DLC1: variants seen among roughly 807,000 people sequenced by gnomAD.
DLC1 encodes DLC1 Rho GTPase activating protein.
A neutral mutation model predicts 140.3 loss-of-function variants in DLC1; 54 were observed. The ratio of observed to expected loss-of-function variants is 0.38; its 90% confidence interval spans 0.31 to 0.48. The LOEUF (loss-of-function observed/expected upper bound fraction) is 0.48, where lower values mean the gene tolerates loss of function less well. DLC1 is among the 20% of genes least tolerant of loss of function. DLC1 has a pLI of 0.96. For missense variants in DLC1, 2,536 were observed against 1,907.0 expected, an observed-to-expected ratio of 1.33 and a Z score of -6.14; for synonymous variants, 986 against 728.1, an observed-to-expected ratio of 1.35 and a Z score of -5.70.
chr8:13,458,119 A>G (rs974566407), intron 2 of DLC1, among the ~76,000 whole-genome samples: 15 of 152,216 alleles, frequency 9.9e-5, no homozygotes, highest in African/African-American at 3.6e-4. Flanking sequence ...AAAAGAAAGT[A>G]GAAAGAGTCT....
At chr8:13,273,463 G>A (rs1440102866) in intron 5 of DLC1, among the ~76,000 whole-genome samples, 1 of 152,168 alleles carries the variant, frequency 6.6e-6, no homozygotes, top group Non-Finnish European at 1.5e-5. Context: ...GCAGAAAAAG[G>A]GGATCATATA....
chr8:13,091,162 A>G lies in DLC1; in HGVS notation c.3855+156T>C, dbSNP rs188689361. ...AAACATGATTAACTCTAGCTGATAC[A>G]TTATAATATATGTAAATAAGACATT... On this transcript the variant is annotated intron_variant, in intron 14 of 17. Coordinates refer to ENST00000276297, the MANE Select transcript of DLC1 (RefSeq NM_182643.3). Among the ~76,000 whole-genome samples the G allele has an allele frequency of 6.0e-3, 918 of 152,270 alleles. 7 individuals carry two copies. Among genetic ancestry groups the G allele is most frequent in the South Asian group, 0.019 (92 of 4,832 alleles).
intron 5 of DLC1, among the ~76,000 whole-genome samples, chr8:13,284,077 G>A (rs953198914): frequency 6.6e-6 from 1 of 152,130 alleles, no homozygotes; most frequent in Non-Finnish European, 1.5e-5. Context: ...CACAAGGCTG[G>A]CATTAGTTTG....
intron 4 of DLC1, among the ~76,000 whole-genome samples, chr8:13,357,628 AAC>A (rs1214748717): frequency 1.3e-5 from 2 of 152,222 alleles, no homozygotes; most frequent in African/African-American, 4.8e-5. Flanking sequence ...TGAAATTCTG[AAC>A]ACAGTTTCAA....
At chr8:13,374,609 C>T (rs918464517) in intron 4 of DLC1, among the ~76,000 whole-genome samples, 4 of 152,098 alleles carry the variant, frequency 2.6e-5, no homozygotes, top group African/African-American at 9.7e-5. Flanking sequence ...ATGGTGAAAC[C>T]CCATCTCTGC....
At chr8:13,516,918 TC>T (rs1327133218), upstream of DLC1, among the ~76,000 whole-genome samples, 2 of 152,168 alleles carry the variant, frequency 1.3e-5, no homozygotes, top group Non-Finnish European at 2.9e-5. Context: ...ATATTCTAGC[TC>T]CAAGCTTTGT....
chr8:13,133,198 G>A, intron 5 of DLC1: 1 of 1,425,386 alleles, frequency 7.0e-7, no homozygotes, highest in Non-Finnish European at 9.1e-7. Flanking sequence ...AGTTGGGCGA[G>A]AAGTCCGTGA....
chr8:13,415,913 G>C (rs1050697145), intron 2 of DLC1, among the ~76,000 whole-genome samples: 1 of 152,142 alleles, frequency 6.6e-6, no homozygotes, highest in African/African-American at 2.4e-5. Context: ...TGATGTTCTT[G>C]TATGTCTTCT....
intron 5 of DLC1, among the ~76,000 whole-genome samples, chr8:13,285,622 A>C (rs1831512436): frequency 1.3e-5 from 2 of 152,194 alleles, no homozygotes; most frequent in South Asian, 4.1e-4. Flanking sequence ...ATACCATCAC[A>C]TACTAAAATT....
At chr8:13,256,570 G>A (rs1830237288) in intron 5 of DLC1, among the ~76,000 whole-genome samples, 1 of 152,094 alleles carries the variant, frequency 6.6e-6, no homozygotes, top group African/African-American at 2.4e-5. Flanking sequence ...CATGTCCTTT[G>A]CAGGGACATG....
At chr8:13,154,274 C>T (rs572564709) in intron 5 of DLC1, among the ~76,000 whole-genome samples, 4 of 152,332 alleles carry the variant, frequency 2.6e-5, no homozygotes, top group East Asian at 1.9e-4. Flanking sequence ...CAGGGAGACT[C>T]GGGCCTGCGG....
At chr8:13,465,653 T>A (rs1799896299) in intron 2 of DLC1, among the ~76,000 whole-genome samples, 1 of 152,230 alleles carries the variant, frequency 6.6e-6, no homozygotes, top group African/African-American at 2.4e-5. Flanking sequence ...TTTCTAAATG[T>A]TGCTAATTTC....
intron 2 of DLC1, among the ~76,000 whole-genome samples, chr8:13,434,678 A>C (rs1398950711): frequency 6.6e-6 from 1 of 152,002 alleles, no homozygotes; most frequent in African/African-American, 2.4e-5. Flanking sequence ...TTCAAGTTTT[A>C]TTATTAGTAG....
chr8:13,462,691 C>A (rs1323720284), intron 2 of DLC1, among the ~76,000 whole-genome samples: 1 of 152,140 alleles, frequency 6.6e-6, no homozygotes, highest in Non-Finnish European at 1.5e-5. Flanking sequence ...CAGGCGTGAG[C>A]CACCGCGCCC....
intron 5 of DLC1, among the ~76,000 whole-genome samples, chr8:13,197,963 T>C (rs1827163489): frequency 6.6e-6 from 1 of 152,042 alleles, no homozygotes; most frequent in Non-Finnish European, 1.5e-5. Context: ...AGTGAAAAGA[T>C]TGCCTAGGTG....
chr8:13,400,781 A>T (rs763323345), intron 3 of DLC1, among the ~76,000 whole-genome samples: 12 of 152,002 alleles, frequency 7.9e-5, no homozygotes, highest in Non-Finnish European at 1.8e-4. Context: ...AAACTCAACC[A>T]TCCTAGATCT....
At chr8:13,572,765 C>T (rs142759465) in intron 1 of DLC1, among the ~76,000 whole-genome samples, 19 of 152,016 alleles carry the variant, frequency 1.2e-4, no homozygotes, top group African/African-American at 4.8e-5. Flanking sequence ...GGTCTTAGCA[C>T]CCTTGTGAAA....
At chr8:13,321,727 G>C (rs1478802781) in intron 4 of DLC1, among the ~76,000 whole-genome samples, 2 of 151,868 alleles carry the variant, frequency 1.3e-5, no homozygotes, top group African/African-American at 4.8e-5. Flanking sequence ...AGGAAAACTG[G>C]TTTTCTCAAT....
chr8:13,421,820 C>G (rs1838334047), intron 2 of DLC1, among the ~76,000 whole-genome samples: 1 of 152,164 alleles, frequency 6.6e-6, no homozygotes, highest in African/African-American at 2.4e-5. Flanking sequence ...ATGGTAATAA[C>G]TCTTAACCCT....
Sources: gnomAD v4.1 joint callset for allele counts (sites outside exome capture counted in the v4.1 genomes callset) on GRCh38, gnomAD v4.1.1 for gene constraint, MANE v1.5 for transcripts, NCBI Gene and HGNC (gene_info 2026-07-23, HGNC 2026-07-21) for gene names.